The following ATF7 variants were observed in gnomAD, a reference collection of about 807,000 sequenced individuals.
ATF7 encodes activating transcription factor 7.
ATF7 carries 10 observed loss-of-function variants against 50.4 expected under a neutral mutation model. The ratio of observed to expected loss-of-function variants is 0.20; its 90% CI spans 0.12 to 0.34. The LOEUF (loss-of-function observed/expected upper bound fraction) is 0.34, where lower values mean the gene tolerates loss of function less well. ATF7 is among the 10% of genes least tolerant of loss of function. ATF7 has a pLI of 1.00. For missense variants in ATF7, 465 were observed against 613.9 expected (o/e 0.76, Z 2.56); for synonymous variants, 201 against 226.4 (o/e 0.89, Z 1.01).
chr12:53,579,699 C>T (rs1490309139), intron 2 of ATF7, among the ~76,000 whole-genome samples: 1 of 152,154 alleles, frequency 6.6e-6, no homozygotes, highest in Non-Finnish European at 1.5e-5. Flanking sequence ...GGCATGAACT[C>T]TGAACTTTCT....
At chr12:53,576,045 G>C (rs1189691655) in intron 2 of ATF7, 1 of 157,308 alleles carries the variant, frequency 6.4e-6, no homozygotes, top group Non-Finnish European at 1.4e-5. Flanking sequence ...AGGGAGTATG[G>C]GCAAGACTTC....
chr12:53,577,896 A>C (rs1238425386), intron 2 of ATF7, among the ~76,000 whole-genome samples: 1 of 152,154 alleles, frequency 6.6e-6, no homozygotes, highest in Non-Finnish European at 1.5e-5. Flanking sequence ...AACTACACCT[A>C]GATATATCAT....
In ATF7 at chr12:53,528,373, A is replaced by G. The variant is rs554545442; in HGVS notation, c.927+3371T>C. On this transcript the variant is annotated intron_variant, in intron 9 of 11. Transcript: ENST00000420353. Reference sequence around the variant, plus strand: ...CCAGGTGCAGTAGTTCATGCCTGTAATCCCAGCACTTTGGGAGGCCAAGGC... The same window carrying G: ...CCAGGTGCAGTAGTTCATGCCTGTAGTCCCAGCACTTTGGGAGGCCAAGGC... Among the ~76,000 whole-genome samples the G allele has an allele frequency of 2.0e-5, 3 of 152,274 alleles. No individual in the cohort carries two copies. In the South Asian group the frequency reaches 6.2e-4, roughly 32 times the overall value.
chr12:53,607,735 A>G (rs1943673171), intron 1 of ATF7, among the ~76,000 whole-genome samples: 1 of 152,232 alleles, frequency 6.6e-6, no homozygotes, highest in African/African-American at 2.4e-5. Context: ...CATAGAAAAG[A>G]TAAGGGAATT....
chr12:53,601,197 T>G (rs1264877752), intron 1 of ATF7, among the ~76,000 whole-genome samples, 176 bp from the exon 2 acceptor site: 1 of 152,212 alleles, frequency 6.6e-6, no homozygotes, highest in Non-Finnish European at 1.5e-5. Context: ...TATGATCTAC[T>G]GTGTCTCAAC....
intron 3 of ATF7, among the ~76,000 whole-genome samples, chr12:53,544,167 C>A (rs972432891): frequency 6.6e-6 from 1 of 152,234 alleles, no homozygotes; most frequent in Admixed American, 6.5e-5. Context: ...AATATGCCCA[C>A]AGGGGCTGCA....
rs1938310532 is a variant in ATF7, at chr12:53,524,352, C to G, written c.1125+212G>C. Among the ~76,000 whole-genome samples the G allele has an allele frequency of 6.6e-6, 1 of 152,168 alleles. No homozygotes were observed. The highest frequency in any genetic ancestry group is 2.4e-5 in the African/African-American group (1 of 41,442). ...CATCCAAATGCGTTTAAGGATGACT[C>G]TAATAGGAGATTTGGGGGTAGATGG... On this transcript the variant is annotated intron_variant, in intron 10 of 11. Coordinates refer to ENST00000420353, the MANE Select transcript of ATF7 (RefSeq NM_006856.3). This position sits in a 1 kb window ranked among gnomAD's most constrained non-coding sequence, Gnocchi z 4.6.
chr12:53,572,623 A>G (rs1430254968), intron 2 of ATF7, among the ~76,000 whole-genome samples: 1 of 152,110 alleles, frequency 6.6e-6, no homozygotes, highest in Admixed American at 6.6e-5. Flanking sequence ...CCATGGTTTC[A>G]GTTACCCATA....
downstream of ATF7, among the ~76,000 whole-genome samples, chr12:53,509,720 G>C (rs952459901): frequency 6.6e-6 from 1 of 152,010 alleles, no homozygotes; most frequent in African/African-American, 2.4e-5. Context: ...TGGCCAGGCT[G>C]GTCTTGAACT....
Position 53,586,410 on chromosome 12 carries a change from T to TA in ATF7, c.48+14542dup, listed in dbSNP as rs35090595. 1.3e-3 allele frequency among the ~76,000 whole-genome samples: 191 copies of TA among 147,734 alleles called. 1 individual carries two copies. The highest frequency in any genetic ancestry group is 3.7e-3 in the African/African-American group (148 of 40,208). Reference sequence around the variant, plus strand: ...TTAATGTGCATAGATTGCCACCATGTAAAAAAAAAAAAAGATGTTCACTGA... The same window carrying TA: ...TTAATGTGCATAGATTGCCACCATGTAAAAAAAAAAAAAAGATGTTCACTGA... On this transcript the variant is annotated intron_variant, in intron 2 of 11. Coordinates refer to ENST00000420353, the MANE Select transcript of ATF7 (RefSeq NM_006856.3).
At chr12:53,599,091 G>C (rs1943279142) in intron 2 of ATF7, among the ~76,000 whole-genome samples, 6 of 152,120 alleles carry the variant, frequency 3.9e-5, no homozygotes. Context: ...GAGTGCAGTG[G>C]CATGATCATG....
At chr12:53,550,252 AG>A (rs1451280515) in intron 3 of ATF7, among the ~76,000 whole-genome samples, 10 of 149,794 alleles carry the variant, frequency 6.7e-5, no homozygotes, top group Non-Finnish European at 3.0e-5. Flanking sequence ...TGAGCCTGGG[AG>A]GGGGAGGTTG....
Position 53,559,678 on chromosome 12 carries a change from CA to C in ATF7, c.49-7042del, listed in dbSNP as rs34508161. Among the ~76,000 whole-genome samples the C allele has an allele frequency of 6.7e-3, 568 of 85,156 alleles. 2 individuals are homozygous for C. The highest frequency in any genetic ancestry group is 0.024 in the African/African-American group (503 of 21,160). 55.9% of individuals were successfully genotyped at this position (85,156 alleles called of 152,430 possible). A position where few individuals can be genotyped will look rare whatever the true frequency, so the allele number is the denominator to read the frequency against. On this transcript the variant is annotated intron_variant, in intron 2 of 11. Coordinates refer to ENST00000420353, the MANE Select transcript of ATF7 (RefSeq NM_006856.3). ...TGGGTGACAGAGTGAGACTCCATCT[CA>C]AAAAAAAAAAAAAAAAAGCAAAAAT...
chr12:53,513,858 G>A lies in ATF7; in HGVS notation c.*3279C>T, dbSNP rs1409427573. 1.3e-5 allele frequency: 2 copies of A among 152,166 alleles called. No individual in the cohort carries two copies. Among genetic ancestry groups the A allele is most frequent in the Non-Finnish European group, 2.9e-5 (2 of 68,084 alleles). 9.4% of individuals were successfully genotyped at this position (152,166 alleles called of 1,614,324 possible). On this transcript the variant is annotated 3_prime_UTR_variant, in exon 12 of 12. Coordinates refer to ENST00000420353, the MANE Select transcript of ATF7 (RefSeq NM_006856.3). Reference sequence around the variant, plus strand: ...AAGCACTCCATCTACCAGGATGGGTGGTGCTAGAGGGCAGTGAATCAAGAA... The same window carrying A: ...AAGCACTCCATCTACCAGGATGGGTAGTGCTAGAGGGCAGTGAATCAAGAA...
intron 2 of ATF7, among the ~76,000 whole-genome samples, chr12:53,574,116 C>T (rs1268897706): frequency 1.3e-5 from 2 of 152,066 alleles, no homozygotes; most frequent in East Asian, 3.8e-4. Context: ...AGCACCAGAA[C>T]CAGTGAGATA....
Position 53,607,278 on chromosome 12 carries a change from C to T in ATF7, c.-21-6257G>A, listed in dbSNP as rs550578286. Among the ~76,000 whole-genome samples, 4 of 152,282 alleles carry T rather than the reference C, an allele frequency of 2.6e-5. No homozygotes were observed. The East Asian group carries it at 7.7e-4, about 29-fold the overall frequency. On this transcript the variant is annotated intron_variant, in intron 1 of 11. Transcript: ENST00000420353. ...TTCTAACTGGTGTGAGATGGTACCT[C>T]ATTGTGGTTTTGATTTGCATTTCTC...
chr12:53,610,029 C>T lies in ATF7; in HGVS notation c.-21-9008G>A, dbSNP rs1330075606. ...ACGGGGTTTCACCATGTTAGCCAGG[C>T]TGGTTTCGAACTCCTGACCTCAAGT... On this transcript the variant is annotated intron_variant, in intron 1 of 11. Coordinates refer to ENST00000420353, the MANE Select transcript of ATF7 (RefSeq NM_006856.3). 7.9e-5 allele frequency among the ~76,000 whole-genome samples: 12 copies of T among 151,788 alleles called. No individual in the cohort carries two copies. The East Asian group carries it at 2.4e-3, about 30-fold the overall frequency.
chr12:53,542,107 G>GTTTTTTT (rs1199418506), intron 4 of ATF7, among the ~76,000 whole-genome samples: 19 of 101,460 alleles, frequency 1.9e-4, no homozygotes, highest in African/African-American at 4.8e-4. Context: ...CGCCTGGCCT[G>GTTTTTTT]TTTTTTTTTT....
intron 1 of ATF7, among the ~76,000 whole-genome samples, chr12:53,624,218 C>G (rs990464820): frequency 6.6e-6 from 1 of 152,110 alleles, no homozygotes; most frequent in African/African-American, 2.4e-5. Context: ...ATACTAGAAC[C>G]CAGCTCAGTA....
Sources: gnomAD v4.1 joint callset for allele counts (sites outside exome capture counted in the v4.1 genomes callset) on GRCh38, gnomAD v4.1.1 for gene constraint, Gnocchi (gnomAD v3.1) non-coding constraint, MANE v1.5 for transcripts, NCBI Gene and HGNC (gene_info 2026-07-23, HGNC 2026-07-21) for gene names.